Variants in CNBD1 observed in about 807,000 individuals in gnomAD.
The protein encoded by CNBD1 is cyclic nucleotide-binding domain-containing protein 1.
CNBD1 carries 71 observed loss-of-function variants against 54.4 expected under a neutral mutation model. The ratio of observed to expected loss-of-function variants is 1.30; its 90% CI spans 1.08 to 1.59. CNBD1 has a LOEUF of 1.59. Ranked by LOEUF, CNBD1 falls within the 40% of genes most tolerant of loss-of-function variation. The pLI is 0.00. For missense variants in CNBD1, 659 were observed against 518.0 expected (o/e 1.27, Z -2.64); for synonymous variants, 182 against 170.7 (o/e 1.07, Z -0.51).
At chr8:87,103,416 T>C (rs918321384) in intron 4 of CNBD1, among the ~76,000 whole-genome samples, 6 of 152,226 alleles carry the variant, frequency 3.9e-5, no homozygotes, top group African/African-American at 1.4e-4. Flanking sequence ...AGAAAGATGA[T>C]TGTATTAGTC....
intron 4 of CNBD1, among the ~76,000 whole-genome samples, chr8:87,044,328 A>G (rs1185490296): frequency 6.6e-6 from 1 of 152,090 alleles, no homozygotes; most frequent in Non-Finnish European, 1.5e-5. Context: ...TGGATAAGTT[A>G]AATGGTTGTT....
At chr8:86,984,416 G>A (rs1299303975) in intron 4 of CNBD1, among the ~76,000 whole-genome samples, 2 of 152,182 alleles carry the variant, frequency 1.3e-5, no homozygotes, top group Non-Finnish European at 1.5e-5. Context: ...ATCTAGTGGA[G>A]CTGTGAGAAG....
chr8:86,869,726 G>C lies in CNBD1; in HGVS notation c.88+3143G>C, dbSNP rs1008712697. On this transcript the variant is annotated intron_variant, in intron 1 of 10. Coordinates refer to ENST00000518476, the MANE Select transcript of CNBD1 (RefSeq NM_173538.3). ...TGAGAATTATTTTAAAAACATCATA[G>C]CTAACAAACTGTACAGTTTTACCAC... Among the ~76,000 whole-genome samples, 3 of 152,118 alleles carry C rather than the reference G, an allele frequency of 2.0e-5. No individual in the cohort carries two copies. The East Asian group carries it at 5.8e-4, about 29-fold the overall frequency.
At chr8:87,327,172 C>T (rs1809692145) in intron 8 of CNBD1, among the ~76,000 whole-genome samples, 4 of 139,732 alleles carry the variant, frequency 2.9e-5, no homozygotes, top group Admixed American at 2.2e-4. Context: ...CTCAGATCTC[C>T]AGCTGCGTGC....
chr8:86,984,545 C>A (rs1414091907), intron 4 of CNBD1, among the ~76,000 whole-genome samples: 1 of 152,178 alleles, frequency 6.6e-6, no homozygotes, highest in African/African-American at 2.4e-5. Context: ...GGGGCTTATA[C>A]CCTGCAAAGC....
intron 8 of CNBD1, among the ~76,000 whole-genome samples, chr8:87,314,956 G>T (rs1016623249): frequency 1.3e-5 from 2 of 151,984 alleles, no homozygotes; most frequent in Admixed American, 6.6e-5. Context: ...AAATTCATTA[G>T]CCCAACGTAA....
chr8:87,139,028 G>A (rs1422762775), intron 4 of CNBD1, among the ~76,000 whole-genome samples: 1 of 152,116 alleles, frequency 6.6e-6, no homozygotes, highest in Non-Finnish European at 1.5e-5. Context: ...AGCAGCTATT[G>A]GTTGGCATAG....
rs371413410 is a variant in CNBD1 at position 86,935,160 on chromosome 8, C to T, written c.273-4436C>T. Among the ~76,000 whole-genome samples the T allele has an allele frequency of 1.0e-3, 154 of 152,150 alleles. 1 individual carries two copies. The highest frequency in any genetic ancestry group is 3.0e-3 in the African/African-American group (124 of 41,516). On this transcript the variant is annotated intron_variant, in intron 3 of 10. Coordinates refer to ENST00000518476, the MANE Select transcript of CNBD1 (RefSeq NM_173538.3). ...ACACCACTCACCTGCCTCAGTGTCCCGAGTAGCTGGGACTACAGGCACCCA... is the reference window on the plus strand; with the variant it reads ...ACACCACTCACCTGCCTCAGTGTCCTGAGTAGCTGGGACTACAGGCACCCA...
intron 4 of CNBD1, among the ~76,000 whole-genome samples, chr8:87,058,585 T>C (rs1161904566): frequency 6.6e-6 from 1 of 152,224 alleles, no homozygotes; most frequent in African/African-American, 2.4e-5. Flanking sequence ...TCTGCACAAC[T>C]GCAGGACCAA....
At position 87,206,114 on chromosome 8, in the gene CNBD1, G is replaced by T. The variant is rs114439288; in HGVS notation, c.553G>T (p.Glu185Ter). Residue 185 changes from glutamate (E) to a stop codon, truncating the protein, a stop_gained, in exon 5 of 11, where the codon GAA becomes TAA. Coordinates refer to ENST00000518476, the MANE Select transcript of CNBD1 (RefSeq NM_173538.3). LOFTEE classifies it high-confidence loss of function. ...LKTLSKTVFSETWLKGSTVVA... is the reference protein window; with the variant it reads ...LKTLSKTVFS Reference sequence around the variant, plus strand: ...AACACTTAGTAAGACTGTCTTTTCCGAAACCTGGTTGAAAGGCAGCACAGG... The same window carrying T: ...AACACTTAGTAAGACTGTCTTTTCCTAAACCTGGTTGAAAGGCAGCACAGG... The T allele has an allele frequency of 8.8e-6, 14 of 1,585,772 alleles. No homozygotes were observed. The Admixed American group carries it at 2.6e-4, about 29-fold the overall frequency.
At chr8:87,394,826 G>C (rs1172060763) in intron 2 of CNBD1, among the ~76,000 whole-genome samples, 1 of 151,632 alleles carries the variant, frequency 6.6e-6, no homozygotes, top group Non-Finnish European at 1.5e-5. Context: ...TTTTCTGCTG[G>C]TTTTTAAAAG....
intron 4 of CNBD1, among the ~76,000 whole-genome samples, chr8:87,002,002 G>A (rs1439085951): frequency 6.6e-6 from 1 of 152,088 alleles, no homozygotes; most frequent in Non-Finnish European, 1.5e-5. Context: ...ACCACTCTTG[G>A]AGGCTGAAGT....
At chr8:86,904,532 A>G (rs1338803405) in intron 2 of CNBD1, among the ~76,000 whole-genome samples, 1 of 152,088 alleles carries the variant, frequency 6.6e-6, no homozygotes, top group Non-Finnish European at 1.5e-5. Flanking sequence ...CCAGGGCTCT[A>G]CTGTTGGAGT....
chr8:86,966,580 C>T (rs1396126211), intron 4 of CNBD1, among the ~76,000 whole-genome samples: 1 of 152,118 alleles, frequency 6.6e-6, no homozygotes, highest in Admixed American at 6.5e-5. Flanking sequence ...TTGTTCATTC[C>T]TCCCGGTGGG....
intron 4 of CNBD1, among the ~76,000 whole-genome samples, chr8:87,111,962 A>G (rs1234006901): frequency 6.6e-6 from 1 of 152,210 alleles, no homozygotes; most frequent in Admixed American, 6.5e-5. Flanking sequence ...CAGAGCACGT[A>G]CAACTACAGA....
intron 8 of CNBD1, among the ~76,000 whole-genome samples, chr8:87,318,027 T>G (rs922386863): frequency 3.9e-5 from 6 of 152,058 alleles, no homozygotes; most frequent in African/African-American, 1.4e-4. Context: ...TCAGACATTT[T>G]AGTTTCCATC....
chr8:87,071,617 G>T (rs546976637), intron 4 of CNBD1, among the ~76,000 whole-genome samples: 1 of 152,126 alleles, frequency 6.6e-6, no homozygotes, highest in African/African-American at 2.4e-5. Flanking sequence ...AGGTAGGGTG[G>T]TGGTAGTGGA....
At chr8:87,272,815 CT>C (rs1296303778) in intron 6 of CNBD1, among the ~76,000 whole-genome samples, 2 of 151,938 alleles carry the variant, frequency 1.3e-5, no homozygotes, top group Non-Finnish European at 2.9e-5. Context: ...TTTAATAAAC[CT>C]TATGTGCTAA....
rs530385803 is a variant in CNBD1 at position 86,946,722 on chromosome 8, A to G, written c.431+6968A>G. Among the ~76,000 whole-genome samples, 15 of 152,256 alleles carry G rather than the reference A, an allele frequency of 9.9e-5. No individual in the cohort carries two copies. The South Asian group carries it at 2.3e-3, about 23-fold the overall frequency. On this transcript the variant is annotated intron_variant, in intron 4 of 10. Coordinates refer to ENST00000518476, the MANE Select transcript of CNBD1 (RefSeq NM_173538.3). Reference sequence around the variant, plus strand: ...TGTATTACAGATTTAATAACAATGGAACACAAAGTCTTTTAAGAATATTTC... The same window carrying G: ...TGTATTACAGATTTAATAACAATGGGACACAAAGTCTTTTAAGAATATTTC...
Sources: allele counts gnomAD v4.1 joint callset (sites outside exome capture counted in the v4.1 genomes callset), GRCh38; gene constraint gnomAD v4.1.1; transcripts MANE v1.5; gene names NCBI Gene and HGNC (gene_info 2026-07-23, HGNC 2026-07-21).